ASCC3: variants seen among roughly 807,000 people sequenced by gnomAD.
ASCC3 encodes activating signal cointegrator 1 complex subunit 3.
ASCC3 carries 158 observed loss-of-function variants against 256.3 expected under a neutral mutation model. The observed-to-expected ratio is 0.62, with a 90% confidence interval of 0.54 to 0.70. The LOEUF (loss-of-function observed/expected upper bound fraction) is 0.70, where lower values mean the gene tolerates loss of function less well. Among genes scored for constraint, ASCC3 ranks in the 30% least tolerant of loss-of-function variants. ASCC3 has a pLI of 0.00. For synonymous variants in ASCC3, 948 were observed against 883.4 expected (o/e 1.07, Z -1.30); for missense variants, 2,259 against 2,626.0 (o/e 0.86, Z 3.05).
At chr6:100,718,473 T>G (rs539210410) in intron 11 of ASCC3, among the ~76,000 whole-genome samples, 1 of 151,880 alleles carries the variant, frequency 6.6e-6, no homozygotes. Context: ...AAAATACACA[T>G]GAGGGGTGAG....
intron 30 of ASCC3, among the ~76,000 whole-genome samples, chr6:100,611,632 A>G (rs936015067): frequency 6.6e-6 from 1 of 151,988 alleles, no homozygotes; most frequent in Non-Finnish European, 1.5e-5. Flanking sequence ...ACAACTGAGT[A>G]TATGTCAAAT....
At chr6:100,513,335 G>A (rs1457812503) in intron 39 of ASCC3, among the ~76,000 whole-genome samples, 1 of 152,122 alleles carries the variant, frequency 6.6e-6, no homozygotes, top group East Asian at 1.9e-4. Context: ...CTGATACTGA[G>A]CAGCTGTTGA....
At chr6:100,554,758 A>T (rs1769483740) in intron 36 of ASCC3, among the ~76,000 whole-genome samples, 1 of 152,142 alleles carries the variant, frequency 6.6e-6, no homozygotes, top group African/African-American at 2.4e-5. Flanking sequence ...TGTATTTTAT[A>T]ATAATATTTG....
intron 3 of ASCC3, among the ~76,000 whole-genome samples, chr6:100,859,667 T>G (rs112071471): frequency 2.6e-5 from 4 of 152,140 alleles, no homozygotes; most frequent in African/African-American, 9.6e-5. Flanking sequence ...TACAAATGCC[T>G]TAAACCATAC....
intron 10 of ASCC3, among the ~76,000 whole-genome samples, chr6:100,744,876 G>A (rs78678678): frequency 6.6e-6 from 1 of 152,168 alleles, no homozygotes; most frequent in Non-Finnish European, 1.5e-5. Context: ...TGTCAAAATT[G>A]GTTCAAGAAT....
chr6:100,787,842 T>C (rs1415102871), intron 8 of ASCC3, among the ~76,000 whole-genome samples: 1 of 152,008 alleles, frequency 6.6e-6, no homozygotes, highest in Admixed American at 6.6e-5. Flanking sequence ...ATAAATGGAT[T>C]ATATACCTAA....
intron 14 of ASCC3, among the ~76,000 whole-genome samples, chr6:100,667,286 C>A (rs1776524007): frequency 6.6e-6 from 1 of 152,078 alleles, no homozygotes; most frequent in South Asian, 2.1e-4. Context: ...AGGTAGGCAG[C>A]AGGATATATA....
At chr6:100,712,751 CTTTTTTTTTT>C (rs58286754) in intron 13 of ASCC3, among the ~76,000 whole-genome samples, 1 of 69,738 alleles carries the variant, frequency 1.4e-5, no homozygotes, top group Admixed American at 2.1e-4. Flanking sequence ...CAATTATACT[CTTTTTTTTTT>C]TTTTTTTTTT....
At chr6:100,807,945 A>C (rs1244691470) in intron 4 of ASCC3, among the ~76,000 whole-genome samples, 1 of 151,970 alleles carries the variant, frequency 6.6e-6, no homozygotes, top group Non-Finnish European at 1.5e-5. Flanking sequence ...TAAAGGCTAA[A>C]AACAAATTGA....
At chr6:100,863,807 G>A (rs1196959001) in intron 3 of ASCC3, among the ~76,000 whole-genome samples, 3 of 151,976 alleles carry the variant, frequency 2.0e-5, no homozygotes, top group Non-Finnish European at 4.4e-5. Flanking sequence ...ATTTTTAGTA[G>A]AGACAGGGTT....
intron 36 of ASCC3, among the ~76,000 whole-genome samples, chr6:100,582,635 T>C (rs1771358663): frequency 6.6e-6 from 1 of 151,616 alleles, no homozygotes; most frequent in Non-Finnish European, 1.5e-5. Flanking sequence ...TGAATAGGAG[T>C]GGTGAGAGAG....
chr6:100,799,072 T>C (rs888329747), intron 7 of ASCC3, among the ~76,000 whole-genome samples: 3 of 152,066 alleles, frequency 2.0e-5, no homozygotes, highest in African/African-American at 7.2e-5. Flanking sequence ...GGCCACAGTA[T>C]GTTGACAAAT....
chr6:100,851,951 C>T (rs941593113), intron 3 of ASCC3, among the ~76,000 whole-genome samples: 1 of 152,174 alleles, frequency 6.6e-6, no homozygotes, highest in Non-Finnish European at 1.5e-5. Flanking sequence ...ACCACCCCGG[C>T]TTGTCTTCCC....
chr6:100,650,983 A>C lies in ASCC3; in HGVS notation c.3076-269T>G, dbSNP rs150952965. Reference sequence around the variant, plus strand: ...ATATAAAAATTTGATATGCCAAAAAATTAAATCTTCTGACCTCACCATCCT... The same window carrying C: ...ATATAAAAATTTGATATGCCAAAAACTTAAATCTTCTGACCTCACCATCCT... On this transcript the variant is annotated intron_variant, in intron 19 of 41. Coordinates refer to ENST00000369162, the MANE Select transcript of ASCC3 (RefSeq NM_006828.4). Among the ~76,000 whole-genome samples the C allele has an allele frequency of 2.6e-5, 4 of 151,992 alleles. No individual in the cohort carries two copies. In the East Asian group the frequency reaches 7.7e-4, roughly 29 times the overall value.
At chr6:100,783,800 G>A (rs944857886) in intron 8 of ASCC3, among the ~76,000 whole-genome samples, 2 of 151,368 alleles carry the variant, frequency 1.3e-5, no homozygotes, top group Admixed American at 1.3e-4. Context: ...TATTTAATTT[G>A]GCAAGTAAAC....
intron 1 of ASCC3, among the ~76,000 whole-genome samples, chr6:100,876,533 G>A (rs1236356536): frequency 6.6e-6 from 1 of 152,082 alleles, no homozygotes; most frequent in East Asian, 1.9e-4. Flanking sequence ...CTTAACTTTA[G>A]GCCTAGATGA....
At chr6:100,675,693 C>T (rs1776972552) in intron 14 of ASCC3, among the ~76,000 whole-genome samples, 1 of 152,148 alleles carries the variant, frequency 6.6e-6, no homozygotes, top group South Asian at 2.1e-4. Flanking sequence ...ACTACAGACA[C>T]AAGGCTTATT....
chr6:100,767,326 T>C lies in ASCC3; in HGVS notation c.1415A>G (p.Lys472Arg). Residue 472 changes from lysine (K) to arginine (R), a missense_variant, in exon 9 of 42, where the codon AAA (lysine) becomes AGA (arginine). By Grantham distance (26) the Lys-to-Arg change is conservative. Transcript: ENST00000369162. ...DLDEIGQLAF[K>R]GMKRLNRIQS... is the part of the protein sequence containing the mutation. ...GATTCTATTGAGTCTCTTCATTCCT[T>C]TAAAAGCCAGCTGTCCGATCTAAAA... The C allele has an allele frequency of 6.3e-7, 1 of 1,583,668 alleles. No individual in the cohort carries two copies. Among genetic ancestry groups the C allele is most frequent in the Non-Finnish European group, 8.5e-7 (1 of 1,169,982 alleles).
chr6:100,730,751 T>G (rs1392848495), intron 10 of ASCC3, among the ~76,000 whole-genome samples: 7 of 152,212 alleles, frequency 4.6e-5, no homozygotes, highest in African/African-American at 1.7e-4. Context: ...TAATGGAATC[T>G]GACAGCTTGC....
Sources: allele counts gnomAD v4.1 joint callset (sites outside exome capture counted in the v4.1 genomes callset), GRCh38; gene constraint gnomAD v4.1.1; transcripts MANE v1.5; gene names NCBI Gene and HGNC (gene_info 2026-07-23, HGNC 2026-07-21).